ENOX2: variants seen among roughly 807,000 people sequenced by gnomAD.
ENOX2 encodes the protein APK1 antigen.
ENOX2 carries 36 observed loss-of-function variants against 45.0 expected under a neutral mutation model. The ratio of observed to expected loss-of-function variants is 0.80; its 90% CI spans 0.61 to 1.06. The LOEUF is 1.06. Among genes scored for constraint, ENOX2 ranks in the 50% least tolerant of loss-of-function variants. The probability of loss-of-function intolerance (pLI) is 0.00; values close to 1 mark genes in which losing one functional copy is unlikely to be tolerated. For missense variants in ENOX2, 423 were observed against 462.5 expected, an observed-to-expected ratio of 0.91 and a Z score of 0.78; for synonymous variants, 174 against 152.3, an observed-to-expected ratio of 1.14 and a Z score of -1.05.
chrX:130,731,548 T>C, intron 3 of ENOX2, among the ~76,000 whole-genome samples: 1 of 112,054 alleles, frequency 8.9e-6, no homozygotes, highest in South Asian at 3.7e-4. Context: ...ATCTAAGTCA[T>C]ACTCAAAATG....
intron 3 of ENOX2, among the ~76,000 whole-genome samples, chrX:130,718,764 T>C (rs2038394332): frequency 9.0e-6 from 1 of 111,511 alleles, no homozygotes; most frequent in Non-Finnish European, 1.9e-5. Flanking sequence ...TACTGGTCCA[T>C]GTGGAAGCTT....
At chrX:130,775,155 G>A (rs73229070) in intron 3 of ENOX2, among the ~76,000 whole-genome samples, 3 of 111,752 alleles carry the variant, frequency 2.7e-5, no homozygotes, top group South Asian at 3.8e-4. Flanking sequence ...GACAAGGCGC[G>A]TGGATGGCTT....
At chrX:130,877,900 C>T (rs1223565550) in intron 2 of ENOX2, among the ~76,000 whole-genome samples, 1 of 112,037 alleles carries the variant, frequency 8.9e-6, no homozygotes, top group Non-Finnish European at 1.9e-5. Context: ...CAACACAATA[C>T]AGTAGGTGCT....
intron 6 of ENOX2, among the ~76,000 whole-genome samples, chrX:130,671,116 G>C (rs894685004): frequency 9.0e-6 from 1 of 111,444 alleles, no homozygotes; most frequent in African/African-American, 3.3e-5. Context: ...AGTAGAGCTG[G>C]CTCTTGAATC....
intron 10 of ENOX2, among the ~76,000 whole-genome samples, chrX:130,649,307 A>G (rs1038458934): frequency 9.2e-6 from 1 of 108,506 alleles, no homozygotes; most frequent in Non-Finnish European, 1.9e-5. Context: ...ATGGACTAAG[A>G]CAAGTATATA....
At chrX:130,709,348 G>A in intron 3 of ENOX2, 3 of 1,055,502 alleles carry the variant, frequency 2.8e-6, no homozygotes, top group East Asian at 6.0e-5. Flanking sequence ...AAAGAAGATA[G>A]TAGTCTCAGC....
At chrX:130,751,316 C>T (rs1347191779) in intron 3 of ENOX2, among the ~76,000 whole-genome samples, 1 of 111,961 alleles carries the variant, frequency 8.9e-6, no homozygotes, top group Admixed American at 9.5e-5. Flanking sequence ...ATTATGTGTC[C>T]AGCTTCTTTC....
intron 3 of ENOX2, among the ~76,000 whole-genome samples, chrX:130,774,134 T>C (rs142416587): frequency 6.3e-4 from 71 of 112,290 alleles, no homozygotes; most frequent in African/African-American, 2.2e-3. Context: ...TTTCAGTTCC[T>C]AATAGAGGAC....
intron 6 of ENOX2, among the ~76,000 whole-genome samples, chrX:130,670,679 C>T (rs912953679): frequency 2.5e-4 from 27 of 109,043 alleles, no homozygotes; most frequent in African/African-American, 8.7e-4. Flanking sequence ...ATTTTAATCC[C>T]TAAAATTGCT....
At chrX:130,820,522 T>C (rs1193513098) in intron 2 of ENOX2, among the ~76,000 whole-genome samples, 1 of 112,482 alleles carries the variant, frequency 8.9e-6, no homozygotes, top group African/African-American at 3.2e-5. Flanking sequence ...CCATGTTCAT[T>C]GCAGCACTAT....
chrX:130,710,626 T>C (rs985933383), intron 3 of ENOX2, among the ~76,000 whole-genome samples: 2 of 111,877 alleles, frequency 1.8e-5, no homozygotes, highest in Non-Finnish European at 3.8e-5. Flanking sequence ...GTAACAATTT[T>C]TGTGTGTTCT....
chrX:130,780,974 G>A (rs980178029), intron 3 of ENOX2, among the ~76,000 whole-genome samples: 2 of 111,503 alleles, frequency 1.8e-5, no homozygotes, highest in Non-Finnish European at 3.8e-5. Context: ...TTGCCACAGT[G>A]CAGGGAATGA....
At chrX:130,675,018 T>C (rs1280081016) in intron 6 of ENOX2, among the ~76,000 whole-genome samples, 3 of 101,333 alleles carry the variant, frequency 3.0e-5, no homozygotes, top group East Asian at 6.1e-4. Context: ...CAGTCTATCA[T>C]TGTTGGACAT....
At chrX:130,818,666 T>A (rs1188565479) in intron 2 of ENOX2, among the ~76,000 whole-genome samples, 4 of 111,759 alleles carry the variant, frequency 3.6e-5, no homozygotes, top group Non-Finnish European at 5.6e-5. Context: ...CCCTATTTAA[T>A]AAATGGTATT....
At chrX:130,641,915 C>T (rs1016403265) in intron 10 of ENOX2, among the ~76,000 whole-genome samples, 2 of 111,111 alleles carry the variant, frequency 1.8e-5, no homozygotes, top group Non-Finnish European at 3.8e-5. Context: ...GACAATGCAC[C>T]TAGTCACCCA....
chrX:130,890,439 T>A (rs1419190827), intron 2 of ENOX2, among the ~76,000 whole-genome samples: 1 of 111,641 alleles, frequency 9.0e-6, no homozygotes, highest in Non-Finnish European at 1.9e-5. Context: ...TGAATTTCCA[T>A]CACTAGCCAC....
At chrX:130,844,883 G>A (rs1437119166) in intron 2 of ENOX2, among the ~76,000 whole-genome samples, 1 of 111,693 alleles carries the variant, frequency 9.0e-6, no homozygotes, top group Non-Finnish European at 1.9e-5. Flanking sequence ...GGTCCCTGGG[G>A]GAGGAACCAG....
intron 2 of ENOX2, among the ~76,000 whole-genome samples, chrX:130,813,340 A>T (rs2077424575): frequency 8.9e-6 from 1 of 112,679 alleles, no homozygotes; most frequent in Non-Finnish European, 1.9e-5. Flanking sequence ...ATTCAGAAGA[A>T]TGACATTAAA....
At chrX:130,889,429 G>A (rs1181092440) in intron 2 of ENOX2, among the ~76,000 whole-genome samples, 1 of 111,734 alleles carries the variant, frequency 8.9e-6, no homozygotes, top group Non-Finnish European at 1.9e-5. Context: ...CCCTTTGAAC[G>A]TCATTGCTAC....
Sources: gnomAD v4.1 joint callset for allele counts (sites outside exome capture counted in the v4.1 genomes callset) on GRCh38, gnomAD v4.1.1 for gene constraint, MANE v1.5 for transcripts, NCBI Gene and HGNC (gene_info 2026-07-23, HGNC 2026-07-21) for gene names.